The following MTUS2 variants were observed in gnomAD, a reference collection of about 807,000 sequenced individuals.
The protein encoded by MTUS2 is microtubule associated scaffold protein 2.
A neutral mutation model predicts 114.1 loss-of-function variants in MTUS2; 40 were observed. That is an observed-to-expected ratio of 0.35 (90% CI 0.27 to 0.46). MTUS2 has a LOEUF of 0.46. MTUS2 is among the 20% of genes least tolerant of loss of function. The pLI is 1.00. For missense variants in MTUS2, 1,679 were observed against 1,705.4 expected (o/e 0.98, Z 0.27); for synonymous variants, 688 against 672.0 (o/e 1.02, Z -0.37).
chr13:28,850,589 G>C (rs1180322490), intron 2 of MTUS2, among the ~76,000 whole-genome samples: 1 of 152,216 alleles, frequency 6.6e-6, no homozygotes, highest in Non-Finnish European at 1.5e-5. Context: ...ATTGCCCAGA[G>C]GGTATGCTTA....
intron 2 of MTUS2, among the ~76,000 whole-genome samples, chr13:28,926,159 A>C (rs1339963197): frequency 6.6e-6 from 1 of 152,208 alleles, no homozygotes; most frequent in Admixed American, 6.5e-5. Context: ...CAAGCTATTG[A>C]AGACACAAAT....
chr13:29,229,362 T>C (rs1477568518), intron 5 of MTUS2, among the ~76,000 whole-genome samples: 1 of 152,218 alleles, frequency 6.6e-6, no homozygotes, highest in Non-Finnish European at 1.5e-5. Flanking sequence ...GAACAGTCTG[T>C]CTTCTTAATC....
intron 5 of MTUS2, among the ~76,000 whole-genome samples, chr13:29,220,260 C>G (rs1724681138): frequency 6.6e-6 from 1 of 152,178 alleles, no homozygotes; most frequent in South Asian, 2.1e-4. Context: ...CTTGGCCTTC[C>G]AAAGTGCTGG....
intron 5 of MTUS2, among the ~76,000 whole-genome samples, chr13:29,236,740 A>G (rs1156279530): frequency 6.6e-6 from 1 of 152,212 alleles, no homozygotes; most frequent in Non-Finnish European, 1.5e-5. Flanking sequence ...AGAGAGAGAA[A>G]GGAGGTGAGA....
At chr13:29,157,480 TTC>T (rs1892909681) in intron 5 of MTUS2, among the ~76,000 whole-genome samples, 1 of 152,208 alleles carries the variant, frequency 6.6e-6, no homozygotes, top group African/African-American at 2.4e-5. Flanking sequence ...GTGGTGGTAA[TTC>T]TGTTTGTGTC....
chr13:29,106,165 AC>A (rs779878190), intron 5 of MTUS2, among the ~76,000 whole-genome samples: 2 of 151,974 alleles, frequency 1.3e-5, no homozygotes, highest in South Asian at 4.2e-4. Flanking sequence ...CTCTAGAACT[AC>A]TCACCTGCAT....
intron 8 of MTUS2, among the ~76,000 whole-genome samples, chr13:29,367,088 C>A (rs1401435952): frequency 6.6e-6 from 1 of 152,090 alleles, no homozygotes; most frequent in Non-Finnish European, 1.5e-5. Flanking sequence ...CACATCTCGG[C>A]CCCTGAGTTC....
rs150455116 is a variant in MTUS2, at chr13:29,107,379, T to C, written c.2644+6409T>C. Among the ~76,000 whole-genome samples the C allele has an allele frequency of 9.1e-3, 1,387 of 152,280 alleles. 23 individuals are homozygous for C. Among genetic ancestry groups the C allele is most frequent in the African/African-American group, 0.032 (1,317 of 41,554 alleles). ...GGAAGTTATCTCCCAATAGAAACTT[T>C]TTCTCTTATGTAAGGGTATGGAAAA... On this transcript the variant is annotated intron_variant, in intron 5 of 15. Transcript: ENST00000612955.
At chr13:28,980,774 G>GT (rs1296993871) in intron 2 of MTUS2, among the ~76,000 whole-genome samples, 1 of 152,206 alleles carries the variant, frequency 6.6e-6, no homozygotes, top group Non-Finnish European at 1.5e-5. Context: ...TTTTGTCGTT[G>GT]TTGTTTGTTT....
At chr13:29,074,441 TAGC>T (rs1377229517) in intron 4 of MTUS2, among the ~76,000 whole-genome samples, 2 of 152,204 alleles carry the variant, frequency 1.3e-5, no homozygotes, top group Non-Finnish European at 2.9e-5. Flanking sequence ...GTGTGTCTGA[TAGC>T]AGGAACTGTG....
intron 5 of MTUS2, among the ~76,000 whole-genome samples, chr13:29,248,132 T>C (rs544800340): frequency 6.6e-6 from 1 of 152,190 alleles, no homozygotes; most frequent in African/African-American, 2.4e-5. Context: ...TTATCCTAAG[T>C]GAAGTAGCAC....
rs750780619 is a variant in MTUS2 at position 29,480,290 on chromosome 13, G to A, written c.3325G>A (p.Glu1109Lys). ...GGAGGAGCGGCTGCAGCTGCAATTCGAGGCGGAAATGGCGCGCCTGCAGGA... is the reference window on the plus strand; with the variant it reads ...GGAGGAGCGGCTGCAGCTGCAATTCAAGGCGGAAATGGCGCGCCTGCAGGA... ...ELEERLQLQF[E>K]AEMARLQEEH... The change falls in exon 10 of 16, where the codon GAG (glutamate) becomes AAG (lysine). Residue 1109 changes from glutamate to lysine, a missense_variant. Transcript: ENST00000612955. The surrounding 1 kb of genome is among the most constrained non-coding windows in gnomAD (Gnocchi z 4.4). 30 of 1,555,522 alleles carry A rather than the reference G, an allele frequency of 1.9e-5. No homozygotes were observed. The highest frequency in any genetic ancestry group is 2.7e-5 in the African/African-American group (2 of 73,348).
At chr13:29,485,257 C>T (rs572290928) in intron 10 of MTUS2, 10 of 152,798 alleles carry the variant, frequency 6.5e-5, no homozygotes, top group Non-Finnish European at 1.3e-4. Context: ...GTTCCAAGGT[C>T]CTCTCAGGCT....
rs1884053035 is a variant in MTUS2, at chr13:28,975,477, C to CGCCCTCCCCTGCGGCAGCATT, written c.-242-48960_-242-48959insTGCCCTCCCCTGCGGCAGCAT. Among the ~76,000 whole-genome samples the CGCCCTCCCCTGCGGCAGCATT allele has an allele frequency of 8.7e-4, 5 of 5,722 alleles. No homozygotes were observed. In the South Asian group the frequency reaches 0.012, roughly 14 times the overall value. The allele number at this position is 5,722 out of a possible 152,430, so 3.8% of individuals were successfully genotyped here. On this transcript the variant is annotated intron_variant, in intron 2 of 15. Transcript: ENST00000612955. ...TTTCCAATCTCGCCTGCGGCAGCAT[C>CGCCCTCCCCTGCGGCAGCATT]GCCCTCCCCTGCGGCAGCATCGCCC...
chr13:29,421,747 G>A (rs530669228), intron 8 of MTUS2, among the ~76,000 whole-genome samples: 25 of 152,218 alleles, frequency 1.6e-4, no homozygotes, highest in Non-Finnish European at 3.1e-4. Flanking sequence ...TGAAATCACA[G>A]AGAAAGAGGG....
At chr13:29,221,333 A>G (rs574640989) in intron 5 of MTUS2, among the ~76,000 whole-genome samples, 2 of 152,242 alleles carry the variant, frequency 1.3e-5, no homozygotes, top group Non-Finnish European at 2.9e-5. Flanking sequence ...AGTATTTTCC[A>G]ATTAACATTC....
chr13:29,092,684 G>A (rs1386203114), intron 4 of MTUS2, among the ~76,000 whole-genome samples: 1 of 152,226 alleles, frequency 6.6e-6, no homozygotes, highest in East Asian at 1.9e-4. Context: ...AGTGGATGGG[G>A]CACCTTCTGC....
intron 4 of MTUS2, among the ~76,000 whole-genome samples, chr13:29,052,459 C>CAAAAA (rs11325314): frequency 2.5e-3 from 234 of 94,614 alleles, no homozygotes; most frequent in Middle Eastern, 5.9e-3. Context: ...CTAGCCTGAG[C>CAAAAA]AAAAAAAAAA....
At chr13:28,885,235 G>A (rs763399549) in intron 2 of MTUS2, among the ~76,000 whole-genome samples, 2 of 152,110 alleles carry the variant, frequency 1.3e-5, no homozygotes, top group Admixed American at 6.6e-5. Flanking sequence ...AAAGTTTGGC[G>A]AGAATACAGA....
Sources: gnomAD v4.1 joint callset for allele counts (sites outside exome capture counted in the v4.1 genomes callset) on GRCh38, gnomAD v4.1.1 for gene constraint, Gnocchi (gnomAD v3.1) non-coding constraint, MANE v1.5 for transcripts, NCBI Gene and HGNC (gene_info 2026-07-23, HGNC 2026-07-21) for gene names.